LINGO2: variants seen among roughly 807,000 people sequenced by gnomAD.
LINGO2 encodes leucine rich repeat and Ig domain containing 2.
LINGO2 carries 14 observed loss-of-function variants against 30.6 expected under a neutral mutation model. The observed-to-expected ratio is 0.46, with a 90% CI of 0.30 to 0.72. The LOEUF (loss-of-function observed/expected upper bound fraction) is 0.72, where lower values mean the gene tolerates loss of function less well. Ranked by LOEUF, LINGO2 falls within the 30% of genes least tolerant of loss-of-function variation. LINGO2 has a pLI of 0.07. For synonymous variants in LINGO2, 317 were observed against 288.5 expected (o/e 1.10, Z -1.00); for missense variants, 729 against 751.7 (o/e 0.97, Z 0.35).
the LINGO2 span, among the ~76,000 whole-genome samples, chr9:29,138,371 G>T: frequency 5.3e-5 from 8 of 151,996 alleles, no homozygotes; most frequent in Admixed American, 2.6e-4. Flanking sequence ...CCTTGCCTCT[G>T]ACATTGCCCT....
At chr9:28,025,516 T>C (rs890572794) in intron 4 of LINGO2, among the ~76,000 whole-genome samples, 1 of 152,174 alleles carries the variant, frequency 6.6e-6, no homozygotes, top group African/African-American at 2.4e-5. Flanking sequence ...ATTTAATGAA[T>C]TCAGCTGAGC....
At chr9:28,524,615 T>G (rs1009168162) in intron 1 of LINGO2, among the ~76,000 whole-genome samples, 6 of 152,080 alleles carry the variant, frequency 3.9e-5, no homozygotes, top group African/African-American at 1.4e-4. Flanking sequence ...TAGCCAGGCA[T>G]GGTGGTGTGC....
At chr9:28,469,042 T>A (rs776706273) in intron 2 of LINGO2, among the ~76,000 whole-genome samples, 83 of 151,642 alleles carry the variant, frequency 5.5e-4, no homozygotes, top group African/African-American at 1.9e-3. Flanking sequence ...AAAAGAAGAA[T>A]GTGGAGAAAA....
intron 2 of LINGO2, among the ~76,000 whole-genome samples, chr9:28,433,922 T>TC (rs1491493864): frequency 0.26 from 21,260 of 80,760 alleles, 4,093 homozygotes; most frequent in Middle Eastern, 0.34. Flanking sequence ...GTGCTCTCTC[T>TC]TTCTCTCTCT....
At chr9:28,232,115 G>C (rs970576171) in intron 4 of LINGO2, among the ~76,000 whole-genome samples, 3 of 151,994 alleles carry the variant, frequency 2.0e-5, no homozygotes, top group African/African-American at 4.8e-5. Flanking sequence ...AAGCTGAAAA[G>C]AGGCTGGGCA....
intron 1 of LINGO2, among the ~76,000 whole-genome samples, chr9:28,480,032 T>C (rs188138311): frequency 1.9e-4 from 28 of 149,778 alleles, no homozygotes; most frequent in African/African-American, 6.6e-4. Flanking sequence ...TGCTATTATT[T>C]GTTTTGATAG....
chr9:28,608,022 T>C (rs957429814), intron 1 of LINGO2, among the ~76,000 whole-genome samples: 8 of 152,070 alleles, frequency 5.3e-5, no homozygotes, highest in Non-Finnish European at 1.0e-4. Context: ...TTTGCATATG[T>C]TTCCAATTTA....
At chr9:29,156,883 T>C in the LINGO2 span, among the ~76,000 whole-genome samples, 2 of 152,022 alleles carry the variant, frequency 1.3e-5, no homozygotes, top group African/African-American at 4.8e-5. Context: ...GATCTAAATA[T>C]TAAGCCCAAA....
At chr9:28,102,190 C>A (rs1250070623) in intron 4 of LINGO2, among the ~76,000 whole-genome samples, 3 of 146,364 alleles carry the variant, frequency 2.0e-5, no homozygotes, top group Non-Finnish European at 3.0e-5. Flanking sequence ...TTTTTTTTTT[C>A]TATAAAATAT....
the LINGO2 span, among the ~76,000 whole-genome samples, chr9:28,859,843 A>T: frequency 6.6e-6 from 1 of 152,016 alleles, no homozygotes; most frequent in Non-Finnish European, 1.5e-5. Flanking sequence ...TAATATATAA[A>T]ATGAGAATTC....
At chr9:28,869,391 T>C in the LINGO2 span, among the ~76,000 whole-genome samples, 4 of 151,960 alleles carry the variant, frequency 2.6e-5, no homozygotes, top group South Asian at 4.1e-4. Flanking sequence ...CTGACTTCTA[T>C]AGAGGGTTTA....
chr9:28,133,358 C>T (rs1181193800), intron 4 of LINGO2, among the ~76,000 whole-genome samples: 1 of 152,022 alleles, frequency 6.6e-6, no homozygotes, highest in Non-Finnish European at 1.5e-5. Context: ...TCACAAATGT[C>T]TGCTTCATAT....
the LINGO2 span, among the ~76,000 whole-genome samples, chr9:29,063,406 CTTT>C: frequency 7.0e-6 from 1 of 142,724 alleles, no homozygotes; most frequent in Non-Finnish European, 1.5e-5. Context: ...CTATTTACAC[CTTT>C]TTTTTTTTTT....
intron 3 of LINGO2, among the ~76,000 whole-genome samples, chr9:28,314,170 G>A (rs533354639): frequency 2.0e-5 from 3 of 152,250 alleles, no homozygotes; most frequent in South Asian, 4.1e-4. Context: ...TCCTGACCTC[G>A]TGATCTGTCC....
At chr9:28,465,672 C>T (rs145815183) in intron 2 of LINGO2, among the ~76,000 whole-genome samples, 82 of 152,158 alleles carry the variant, frequency 5.4e-4, no homozygotes, top group African/African-American at 1.9e-3. Context: ...ATTGAAGAGA[C>T]GATCCACAGA....
chr9:29,018,892 C>A, the LINGO2 span, among the ~76,000 whole-genome samples: 1 of 152,126 alleles, frequency 6.6e-6, no homozygotes, highest in African/African-American at 2.4e-5. Flanking sequence ...GGACTATGTA[C>A]AGGCTGTGGT....
chr9:29,170,027 C>A, the LINGO2 span, among the ~76,000 whole-genome samples: 114 of 151,892 alleles, frequency 7.5e-4, no homozygotes, highest in African/African-American at 1.4e-3. Flanking sequence ...ACAACAACAA[C>A]AAAAAACAGT....
At chr9:28,288,608 T>G (rs1280000083) in intron 4 of LINGO2, among the ~76,000 whole-genome samples, 1 of 152,136 alleles carries the variant, frequency 6.6e-6, no homozygotes, top group Non-Finnish European at 1.5e-5. Flanking sequence ...GCGGGGAGGC[T>G]GCTAATTTGT....
At chr9:28,346,388 G>A (rs1323980823) in intron 3 of LINGO2, among the ~76,000 whole-genome samples, 3 of 152,086 alleles carry the variant, frequency 2.0e-5, no homozygotes, top group Admixed American at 6.6e-5. Flanking sequence ...TCTTTTTTAT[G>A]GCTGCATAGT....
Sources: allele counts gnomAD v4.1 joint callset (sites outside exome capture counted in the v4.1 genomes callset), GRCh38; gene constraint gnomAD v4.1.1; transcripts MANE v1.5; gene names NCBI Gene and HGNC (gene_info 2026-07-23, HGNC 2026-07-21).